MYSM1: variants seen among roughly 807,000 people sequenced by gnomAD.
The protein encoded by MYSM1 is deubiquitinase MYSM1.
In MYSM1, 51 loss-of-function variants were observed where a neutral mutation model predicts 116.0. The ratio of observed to expected loss-of-function variants is 0.44; its 90% confidence interval spans 0.35 to 0.56. The LOEUF is 0.56. Ranked by LOEUF, MYSM1 falls within the 20% of genes least tolerant of loss-of-function variation. The probability of loss-of-function intolerance (pLI) is 0.00; values close to 1 mark genes in which losing one functional copy is unlikely to be tolerated. For missense variants in MYSM1, 900 were observed against 974.9 expected, an observed-to-expected ratio of 0.92 and a Z score of 1.02; for synonymous variants, 313 against 315.2, an observed-to-expected ratio of 0.99 and a Z score of 0.07.
chr1:58,681,722 C>G (rs1644744539), intron 8 of MYSM1, 63 bp downstream of exon 8: 3 of 1,439,518 alleles, frequency 2.1e-6, no homozygotes, highest in South Asian at 2.9e-5. Flanking sequence ...CTGTATAGGC[C>G]TAATTAAAAT....
In MYSM1 at chr1:58,665,565, G is replaced by T; in HGVS notation, c.2098C>A (p.Pro700Thr). 2 of 1,591,456 alleles carry T rather than the reference G, an allele frequency of 1.3e-6. No homozygotes were observed. The highest frequency in any genetic ancestry group is 1.7e-6 in the Non-Finnish European group (2 of 1,159,678). The part of the protein sequence containing the change: ...MIVSPYNRNN[P>T]LPYSQITCLV... ...CAGGTAATCTGAGAATATGGTAAGG[G>T]ATTATTTCGATTATAGGGACTAACA... Residue 700 changes from proline (P) to threonine (T), a missense_variant, in exon 17 of 20, where the codon CCC becomes ACC. Coordinates refer to ENST00000472487, the MANE Select transcript of MYSM1 (RefSeq NM_001085487.3).
At chr1:58,696,391 T>C (rs1644974791) in intron 1 of MYSM1, among the ~76,000 whole-genome samples, 1 of 152,208 alleles carries the variant, frequency 6.6e-6, no homozygotes, top group Non-Finnish European at 1.5e-5. Context: ...ATTAGCATGT[T>C]TAAAGCTTGA....
At chr1:58,674,345 C>A (rs1021145525) in intron 10 of MYSM1, among the ~76,000 whole-genome samples, 2 of 152,134 alleles carry the variant, frequency 1.3e-5, no homozygotes, top group African/African-American at 4.8e-5. Flanking sequence ...TGAGAAATTA[C>A]AAAGTTGGTT....
intron 1 of MYSM1, 122 bp downstream of exon 1, chr1:58,699,863 C>A (rs1194899129): frequency 6.7e-7 from 1 of 1,487,968 alleles, no homozygotes; most frequent in East Asian, 2.5e-5. Context: ...CAACAAGAGA[C>A]CCTGGCCCAG....
In MYSM1 at chr1:58,671,859, T is replaced by G. The variant is rs1300232021; in HGVS notation, c.1661+11A>C. 1.9e-6 allele frequency: 3 copies of G among 1,602,084 alleles called. No homozygotes were observed. Among genetic ancestry groups the G allele is most frequent in the African/African-American group, 2.7e-5 (2 of 74,326 alleles). ...TAAATGTTTAAAAACCACATTTATA[T>G]AACACTACACCTTTTTGTTGGTCTT... On this transcript the variant is annotated intron_variant, in intron 12 of 19. Transcript: ENST00000472487.
intron 17 of MYSM1, among the ~76,000 whole-genome samples, chr1:58,664,162 G>A (rs1355851300): frequency 6.6e-6 from 1 of 152,024 alleles, no homozygotes; most frequent in African/African-American, 2.4e-5. Context: ...TCAGAATTGA[G>A]GTTCATTACC....
chr1:58,676,413 A>G (rs1427166110), intron 9 of MYSM1, among the ~76,000 whole-genome samples: 1 of 151,924 alleles, frequency 6.6e-6, no homozygotes, highest in Non-Finnish European at 1.5e-5. Flanking sequence ...GAGAAAAAAA[A>G]AAAAAAAAAG....
In MYSM1 at chr1:58,667,127, C is replaced by A. The variant is rs1644486011; in HGVS notation, c.1942G>T (p.Gly648Cys). 6.2e-7 allele frequency: 1 copy of A among 1,613,322 alleles called. No homozygotes were observed. The highest frequency in any genetic ancestry group is 1.3e-5 in the African/African-American group (1 of 74,830). The change falls in exon 16 of 20, where the codon GGC becomes TGC. Residue 648 changes from glycine (G) to cysteine (C), a missense_variant. Physicochemically the swap from Gly to Cys is radical, Grantham distance 159. Coordinates refer to ENST00000472487, the MANE Select transcript of MYSM1 (RefSeq NM_001085487.3). ...TGATACCATCCAATAACACTGAAGC[C>A]TCTAACAGCCAAGGTTTCTGAGGCC... ...TQASETLAVR[G>C]FSVIGWYHSH...
rs769780406 is a variant in MYSM1 at position 58,682,438 on chromosome 1, C to T, written c.606G>A (p.Arg202=). 11 of 1,613,988 alleles carry T rather than the reference C, an allele frequency of 6.8e-6. No homozygotes were observed. Among genetic ancestry groups the T allele is most frequent in the Middle Eastern group, 1.6e-4 (1 of 6,084 alleles). The change falls in exon 8 of 20, where the codon AGG becomes AGA. Residue 202 remains arginine (R), a synonymous_variant. Transcript: ENST00000472487. Reference sequence around the variant, plus strand: ...CATTCAAGTTGGGATCAGCACGTCCCCTTAAACATGATGGTGTCCATGCCT... The same window carrying T: ...CATTCAAGTTGGGATCAGCACGTCCTCTTAAACATGATGGTGTCCATGCCT... ...GTKAWTPSCL[R]GRADPNLNAV...
chr1:58,698,102 A>ATATATATATATATATGTTTTTTTTTTT, intron 1 of MYSM1, among the ~76,000 whole-genome samples: 1 of 7,776 alleles, frequency 1.3e-4, no homozygotes. Flanking sequence ...ATATATATAT[A>ATATATATATATATATGTTTTTTTTTTT]TTTTTTTTTT....
At chr1:58,699,674 T>C in intron 1 of MYSM1, 1 of 985,398 alleles carries the variant, frequency 1.0e-6, no homozygotes, top group Non-Finnish European at 1.2e-6. Flanking sequence ...GATGAGATCC[T>C]GAAAAGGAGG....
At chr1:58,671,979 A>T (rs1557511089) in intron 11 of MYSM1, 21 bp from the exon 12 acceptor site, 2 of 1,589,610 alleles carry the variant, frequency 1.3e-6, no homozygotes, top group Non-Finnish European at 1.7e-6. Context: ...ATGCCAATTG[A>T]TTAAGGAGTC....
At chr1:58,690,156 T>TAA in intron 5 of MYSM1, 70 bp downstream of exon 5, 1 of 1,297,520 alleles carries the variant, frequency 7.7e-7, no homozygotes, top group South Asian at 1.6e-5. Flanking sequence ...CAACTATAAT[T>TAA]AAAAAAAAAT....
chr1:58,683,957 A>T (rs759088101), intron 7 of MYSM1, among the ~76,000 whole-genome samples: 7 of 152,074 alleles, frequency 4.6e-5, no homozygotes, highest in Non-Finnish European at 1.0e-4. Context: ...TAAAACTGGC[A>T]CTCCAAGATA....
rs551706565 is a variant in MYSM1 at position 58,655,984 on chromosome 1, C to G, written c.*4013G>C. ...CTGCTGACTTGCGACTGGATGGCTTCAACTCAGGTGCTCATGTGTTACATG... is the reference window on the plus strand; with the variant it reads ...CTGCTGACTTGCGACTGGATGGCTTGAACTCAGGTGCTCATGTGTTACATG... On this transcript the variant is annotated 3_prime_UTR_variant, in exon 20 of 20. Coordinates refer to ENST00000472487, the MANE Select transcript of MYSM1 (RefSeq NM_001085487.3). 1 of 152,266 alleles carries G rather than the reference C, an allele frequency of 6.6e-6. No individual in the cohort carries two copies. Among genetic ancestry groups the G allele is most frequent in the Admixed American group, 6.5e-5 (1 of 15,290 alleles). 9.4% of individuals were successfully genotyped at this position (152,266 alleles called of 1,614,324 possible). A position where few individuals can be genotyped will look rare whatever the true frequency, so the allele number is the denominator to read the frequency against.
intron 19 of MYSM1, 72 bp downstream of exon 19, chr1:58,661,098 G>T: frequency 8.9e-7 from 1 of 1,122,736 alleles, no homozygotes; most frequent in Non-Finnish European, 1.4e-6. Context: ...TAGGCATCAT[G>T]GGAAAACACA....
At chr1:58,673,450 C>A (rs1395133835) in intron 11 of MYSM1, 123 bp downstream of exon 11, 1 of 794,000 alleles carries the variant, frequency 1.3e-6, no homozygotes, top group African/African-American at 1.7e-5. Flanking sequence ...GACAAATTAA[C>A]ATGGGAATGA....
At chr1:58,673,086 TA>T (rs1644588306) in intron 11 of MYSM1, among the ~76,000 whole-genome samples, 2 of 152,136 alleles carry the variant, frequency 1.3e-5, no homozygotes, top group Non-Finnish European at 2.9e-5. Flanking sequence ...ATTCGTAAGT[TA>T]AAAAAGCATG....
In MYSM1 at chr1:58,671,957, T is replaced by C; in HGVS notation, c.1574A>G (p.His525Arg). ...TTTTGCCAACTCCTCAGCAGAGAGA[T>C]GCTAAAACAAAATGCCAATTGATTA... ...AKDLEGQTFE[H>R]LSAEELAKRR... Residue 525 changes from histidine to arginine, a missense_variant and splice_region_variant, in exon 12 of 20, where the codon CAT (histidine) becomes CGT (arginine). Coordinates refer to ENST00000472487, the MANE Select transcript of MYSM1 (RefSeq NM_001085487.3). 1.2e-6 allele frequency: 2 copies of C among 1,612,268 alleles called. No individual in the cohort carries two copies. Among genetic ancestry groups the C allele is most frequent in the Non-Finnish European group, 1.7e-6 (2 of 1,179,266 alleles).
Sources: allele counts gnomAD v4.1 joint callset (sites outside exome capture counted in the v4.1 genomes callset), GRCh38; gene constraint gnomAD v4.1.1; transcripts MANE v1.5; gene names NCBI Gene and HGNC (gene_info 2026-07-23, HGNC 2026-07-21).